Variants in STARD9 observed in about 807,000 individuals in gnomAD.
STARD9 encodes the protein StAR related lipid transfer domain containing 9.
Under a neutral mutation model 399.8 loss-of-function variants are expected in STARD9, and 346 were observed. The ratio of observed to expected loss-of-function variants is 0.87; its 90% CI spans 0.79 to 0.95. STARD9 has a LOEUF of 0.95. Among genes scored for constraint, STARD9 ranks in the 40% least tolerant of loss-of-function variants. STARD9 has a pLI of 0.00. For missense variants in STARD9, 5,832 were observed against 5,667.5 expected, an observed-to-expected ratio of 1.03 and a Z score of -0.93; for synonymous variants, 2,203 against 2,143.5, an observed-to-expected ratio of 1.03 and a Z score of -0.77.
chr15:42,587,391 C>T (rs2141678019), intron 3 of STARD9, among the ~76,000 whole-genome samples: 2 of 152,230 alleles, frequency 1.3e-5, no homozygotes, highest in East Asian at 3.9e-4. Flanking sequence ...CACAGTGGGC[C>T]TCTTCTGTTA....
chr15:42,647,790 CT>C (rs1486508647), intron 7 of STARD9, among the ~76,000 whole-genome samples: 1 of 151,910 alleles, frequency 6.6e-6, no homozygotes, highest in Non-Finnish European at 1.5e-5. Context: ...TTTACTTTTC[CT>C]GTTTTATGTT....
chr15:42,706,417 C>A (rs964544152), intron 26 of STARD9, among the ~76,000 whole-genome samples: 4 of 150,512 alleles, frequency 2.7e-5, no homozygotes, highest in African/African-American at 9.7e-5. Context: ...ACCTGCACTA[C>A]TAATTTAGTA....
intron 15 of STARD9, among the ~76,000 whole-genome samples, chr15:42,668,598 G>T (rs2060147587): frequency 6.6e-6 from 1 of 152,158 alleles, no homozygotes; most frequent in East Asian, 1.9e-4. Context: ...TGTTATTATT[G>T]TTTTTATTGT....
chr15:42,594,731 C>G (rs921143427), intron 3 of STARD9, among the ~76,000 whole-genome samples: 1 of 152,164 alleles, frequency 6.6e-6, no homozygotes, highest in South Asian at 2.1e-4. Flanking sequence ...GGGCCATGGA[C>G]TGCAACACAA....
intron 13 of STARD9, among the ~76,000 whole-genome samples, chr15:42,664,620 G>T (rs536510521): frequency 6.6e-6 from 1 of 152,288 alleles, no homozygotes; most frequent in African/African-American, 2.4e-5. Flanking sequence ...TCCTACCTCA[G>T]CCTCCCAAAG....
chr15:42,580,552 ACGCCTGTAAT>A (rs1374534455), intron 1 of STARD9, among the ~76,000 whole-genome samples: 1 of 151,996 alleles, frequency 6.6e-6, no homozygotes, highest in Admixed American at 6.6e-5. Context: ...GTGGTGGCTC[ACGCCTGTAAT>A]CCCAGCACTT....
intron 3 of STARD9, among the ~76,000 whole-genome samples, chr15:42,626,413 C>T (rs1204112223): frequency 1.3e-5 from 2 of 151,040 alleles, no homozygotes; most frequent in Non-Finnish European, 3.0e-5. Flanking sequence ...TCTTCTTCCT[C>T]CTCCTCCTCC....
chr15:42,682,705 C>G, intron 22 of STARD9, 130 bp downstream of exon 22: 1 of 751,296 alleles, frequency 1.3e-6, no homozygotes, highest in South Asian at 2.0e-5. Context: ...ATATTTCTCT[C>G]TTCCTCATGA....
At chr15:42,603,777 C>T (rs1309958153) in intron 3 of STARD9, among the ~76,000 whole-genome samples, 4 of 151,970 alleles carry the variant, frequency 2.6e-5, no homozygotes, top group African/African-American at 4.8e-5. Context: ...GGCCACAGGA[C>T]CAGATGAGCC....
At chr15:42,643,958 G>C (rs1286703116) in intron 7 of STARD9, among the ~76,000 whole-genome samples, 1 of 151,928 alleles carries the variant, frequency 6.6e-6, no homozygotes, top group Non-Finnish European at 1.5e-5. Context: ...TTGTATTTTT[G>C]TTATAGGTAT....
intron 13 of STARD9, 127 bp from the exon 14 acceptor site, chr15:42,665,126 G>C: frequency 1.4e-6 from 1 of 694,440 alleles, no homozygotes; most frequent in Non-Finnish European, 2.4e-6. Flanking sequence ...ACCACAACTT[G>C]AGAATGACTG....
chr15:42,613,857 C>T (rs373796477), intron 3 of STARD9, among the ~76,000 whole-genome samples: 7 of 151,704 alleles, frequency 4.6e-5, no homozygotes, highest in Admixed American at 2.0e-4. Context: ...CCCAGCTACT[C>T]GGGAGGTTGA....
chr15:42,612,944 A>C (rs2141819495), intron 3 of STARD9, among the ~76,000 whole-genome samples: 1 of 148,994 alleles, frequency 6.7e-6, no homozygotes, highest in South Asian at 2.1e-4. Context: ...AGATCCTGCC[A>C]CTGCATTCCA....
intron 26 of STARD9, among the ~76,000 whole-genome samples, chr15:42,712,765 C>T (rs2061271813): frequency 6.6e-6 from 1 of 152,142 alleles, no homozygotes; most frequent in East Asian, 1.9e-4. Flanking sequence ...CTCCTGGCCT[C>T]AAGCGATCCT....
At chr15:42,643,695 T>C (rs911244428) in intron 7 of STARD9, among the ~76,000 whole-genome samples, 2 of 152,034 alleles carry the variant, frequency 1.3e-5, no homozygotes, top group African/African-American at 4.8e-5. Flanking sequence ...GAGGTGGGGT[T>C]TCACCATGTT....
chr15:42,703,203 G>T (rs1461352661), intron 26 of STARD9, among the ~76,000 whole-genome samples: 1 of 151,804 alleles, frequency 6.6e-6, no homozygotes, highest in Admixed American at 6.6e-5. Flanking sequence ...AAATTTAATT[G>T]GGAACTTTTT....
chr15:42,710,574 C>T (rs2061193520), intron 26 of STARD9, among the ~76,000 whole-genome samples: 1 of 152,156 alleles, frequency 6.6e-6, no homozygotes, highest in Admixed American at 6.5e-5. Flanking sequence ...AATGGAATTA[C>T]ACAATATATG....
chr15:42,583,475 C>A (rs2058214716), intron 2 of STARD9, 60 bp downstream of exon 2: 2 of 1,268,018 alleles, frequency 1.6e-6, no homozygotes, highest in Middle Eastern at 1.8e-4. Flanking sequence ...GTTACAGGGG[C>A]TTCCAGGCTG....
At chr15:42,602,809 T>G (rs1203222185) in intron 3 of STARD9, among the ~76,000 whole-genome samples, 1 of 152,022 alleles carries the variant, frequency 6.6e-6, no homozygotes, top group Admixed American at 6.5e-5. Context: ...AGCTGTGGAG[T>G]GAAGTTACAA....
Sources: allele counts gnomAD v4.1 joint callset (sites outside exome capture counted in the v4.1 genomes callset), GRCh38; gene constraint gnomAD v4.1.1; transcripts MANE v1.5; gene names NCBI Gene and HGNC (gene_info 2026-07-23, HGNC 2026-07-21).